The following UBE3D variants were observed in gnomAD, a reference collection of about 807,000 sequenced individuals.
UBE3D encodes the protein ubiquitin protein ligase E3D, also known as E3 ubiquitin-protein ligase E3D.
UBE3D carries 48 observed loss-of-function variants against 49.6 expected under a neutral mutation model. The ratio of observed to expected loss-of-function variants is 0.97; its 90% confidence interval spans 0.77 to 1.23. The LOEUF is 1.23. UBE3D is among the 50% of genes most tolerant of loss of function. The pLI is 0.00. For missense variants in UBE3D, 452 were observed against 468.4 expected (o/e 0.96, Z 0.32); for synonymous variants, 189 against 174.2 (o/e 1.08, Z -0.67).
intron 9 of UBE3D, among the ~76,000 whole-genome samples, chr6:82,930,984 G>A (rs1774100240): frequency 6.6e-6 from 1 of 152,148 alleles, no homozygotes; most frequent in South Asian, 2.1e-4. Context: ...GGAGGCCTAG[G>A]AGGAAAAAAT....
rs1022588548 is a variant in UBE3D, at chr6:82,895,258, C to T, written c.1150-2216G>A. ...CCCATATGGTAGAGGTTGCAGTGAGCCGAGATCACGCTACTGCACTCCAGT... is the reference window on the plus strand; with the variant it reads ...CCCATATGGTAGAGGTTGCAGTGAGTCGAGATCACGCTACTGCACTCCAGT... On this transcript the variant is annotated intron_variant, in intron 9 of 9. Coordinates refer to ENST00000369747, the MANE Select transcript of UBE3D (RefSeq NM_198920.3). Among the ~76,000 whole-genome samples, 56 of 152,126 alleles carry T rather than the reference C, an allele frequency of 3.7e-4. 2 individuals carry two copies. Among genetic ancestry groups the T allele is most frequent in the Non-Finnish European group, 4.4e-5 (3 of 68,034 alleles).
At chr6:82,936,565 A>G (rs1275171727) in intron 9 of UBE3D, among the ~76,000 whole-genome samples, 2 of 152,166 alleles carry the variant, frequency 1.3e-5, no homozygotes, top group East Asian at 3.9e-4. Flanking sequence ...GCACTGAAAC[A>G]TTATTCTGCC....
chr6:83,041,590 A>ATT (rs879297835), intron 4 of UBE3D, among the ~76,000 whole-genome samples: 1 of 152,346 alleles, frequency 6.6e-6, no homozygotes. Flanking sequence ...AAAAGAGCAG[A>ATT]TGAAGCATAC....
At chr6:82,887,836 A>T (rs1040540950), downstream of UBE3D, among the ~76,000 whole-genome samples, 1 of 152,158 alleles carries the variant, frequency 6.6e-6, no homozygotes, top group African/African-American at 2.4e-5. Flanking sequence ...CTATGAAGAG[A>T]AAGTTTCAAG....
At chr6:82,955,854 A>T (rs1252124703) in intron 9 of UBE3D, among the ~76,000 whole-genome samples, 1 of 152,222 alleles carries the variant, frequency 6.6e-6, no homozygotes, top group Non-Finnish European at 1.5e-5. Context: ...CCATTGCTCC[A>T]GATCTCAATT....
chr6:83,065,765 G>T lies in UBE3D; in HGVS notation c.-47C>A, dbSNP rs752268266. On this transcript the variant is annotated 5_prime_UTR_variant, in exon 1 of 10. Coordinates refer to ENST00000369747, the MANE Select transcript of UBE3D (RefSeq NM_198920.3). ...CGGACCAAGCTGGAGGTTCCGAGGG[G>T]CCCGGGTCAACAGGACCAGGAGAGG... 6 of 1,562,254 alleles carry T rather than the reference G, an allele frequency of 3.8e-6. No individual in the cohort carries two copies. The highest frequency in any genetic ancestry group is 2.7e-5 in the African/African-American group (2 of 73,326).
At chr6:82,921,101 G>A (rs1253717719) in intron 9 of UBE3D, among the ~76,000 whole-genome samples, 1 of 151,964 alleles carries the variant, frequency 6.6e-6, no homozygotes, top group African/African-American at 2.4e-5. Context: ...GGCTACAGGT[G>A]CCCACCACCA....
At chr6:82,891,298 T>C (rs1770974188), downstream of UBE3D, among the ~76,000 whole-genome samples, 1 of 152,004 alleles carries the variant, frequency 6.6e-6, no homozygotes, top group South Asian at 2.1e-4. Context: ...ATCTAGTGGG[T>C]AGAGGTCAGG....
intron 9 of UBE3D, among the ~76,000 whole-genome samples, chr6:82,910,448 T>G (rs920542198): frequency 6.6e-6 from 1 of 152,042 alleles, no homozygotes; most frequent in African/African-American, 2.4e-5. Flanking sequence ...GACTGGGAGA[T>G]TTGTTATTTT....
chr6:82,996,707 A>T (rs1275719432), intron 8 of UBE3D, among the ~76,000 whole-genome samples: 1 of 152,204 alleles, frequency 6.6e-6, no homozygotes, highest in African/African-American at 2.4e-5. Flanking sequence ...CTCCAAACCC[A>T]CAACCCAGTC....
At chr6:82,922,439 A>G (rs960707972) in intron 9 of UBE3D, among the ~76,000 whole-genome samples, 12 of 152,122 alleles carry the variant, frequency 7.9e-5, no homozygotes, top group Non-Finnish European at 1.3e-4. Context: ...CAGACAGTGT[A>G]AAAGAGGAAA....
chr6:82,908,595 G>A (rs558959182), intron 9 of UBE3D, among the ~76,000 whole-genome samples: 1 of 152,252 alleles, frequency 6.6e-6, no homozygotes, highest in Non-Finnish European at 1.5e-5. Flanking sequence ...ACTCCAAAAT[G>A]TGGTTGAAGA....
chr6:82,895,380 A>C (rs1183817008), intron 9 of UBE3D, among the ~76,000 whole-genome samples: 1 of 152,132 alleles, frequency 6.6e-6, no homozygotes, highest in Admixed American at 6.5e-5. Flanking sequence ...ACTTGAGGTG[A>C]TTTTGTGTAC....
chr6:82,928,763 T>A (rs906689764), intron 9 of UBE3D, among the ~76,000 whole-genome samples: 1 of 152,184 alleles, frequency 6.6e-6, no homozygotes, highest in Non-Finnish European at 1.5e-5. Flanking sequence ...TGGATAAAGA[T>A]ATCCATGGGA....
intron 3 of UBE3D, among the ~76,000 whole-genome samples, chr6:83,046,385 T>A (rs1783032131): frequency 6.6e-6 from 1 of 152,098 alleles, no homozygotes; most frequent in African/African-American, 2.4e-5. Context: ...CTGATTTTAG[T>A]TTAACATAAG....
chr6:82,927,053 A>G (rs1342469864), intron 9 of UBE3D, among the ~76,000 whole-genome samples: 2 of 152,048 alleles, frequency 1.3e-5, no homozygotes, highest in African/African-American at 2.4e-5. Context: ...ATCTAGATTC[A>G]TTGTTTTTGT....
chr6:83,063,231 G>A (rs1219840676), intron 1 of UBE3D: 4 of 242,786 alleles, frequency 1.6e-5, no homozygotes, highest in Non-Finnish European at 2.5e-5. Context: ...TGGGCAATAT[G>A]GTGAAACCCT....
chr6:82,980,850 C>T (rs1778067948), intron 8 of UBE3D, among the ~76,000 whole-genome samples: 1 of 151,970 alleles, frequency 6.6e-6, no homozygotes, highest in Admixed American at 6.6e-5. Context: ...TCATCTTTGT[C>T]AAAAATCAGT....
chr6:82,898,868 G>T (rs1771528844), intron 9 of UBE3D, among the ~76,000 whole-genome samples: 1 of 151,982 alleles, frequency 6.6e-6, no homozygotes, highest in South Asian at 2.1e-4. Flanking sequence ...TCTGGGCTGG[G>T]AGGCTAGCTT....
Sources: allele counts gnomAD v4.1 joint callset (sites outside exome capture counted in the v4.1 genomes callset), GRCh38; gene constraint gnomAD v4.1.1; transcripts MANE v1.5; gene names NCBI Gene and HGNC (gene_info 2026-07-23, HGNC 2026-07-21).